Variants in MTX2 observed in about 807,000 individuals in gnomAD.
The protein encoded by MTX2 is metaxin 2, also known as metaxin-2.
In MTX2, 35 loss-of-function variants were observed where a neutral mutation model predicts 42.3. That is an observed-to-expected ratio of 0.83 (90% CI 0.63 to 1.10). The LOEUF is 1.10. Among genes scored for constraint, MTX2 ranks in the 50% least tolerant of loss-of-function variants. The pLI, the probability that MTX2 is intolerant of heterozygous loss-of-function variation, is 0.00. For synonymous variants in MTX2, 119 were observed against 100.9 expected, an observed-to-expected ratio of 1.18 and a Z score of -1.08; for missense variants, 307 against 304.1, an observed-to-expected ratio of 1.01 and a Z score of -0.07.
intron 3 of MTX2, among the ~76,000 whole-genome samples, chr2:176,306,346 A>T (rs1684143975): frequency 6.6e-6 from 1 of 152,160 alleles, no homozygotes; most frequent in African/African-American, 2.4e-5. Context: ...AGTCTTTACT[A>T]TTGTGAATAG....
chr2:176,325,091 C>T (rs996033664), intron 4 of MTX2, among the ~76,000 whole-genome samples: 1 of 151,718 alleles, frequency 6.6e-6, no homozygotes, highest in African/African-American at 2.4e-5. Context: ...AATTTCACTT[C>T]TCTGAGCCTC....
rs150921679 is a variant in MTX2, at chr2:176,305,037, A to G, written c.135+7142A>G. On this transcript the variant is annotated intron_variant, in intron 3 of 9. Transcript: ENST00000249442. ...AGGCAATTCTTTAAAATTTTGAATT[A>G]CTTTTATATTTTTATTGGCAAGCAA... 5.2e-3 allele frequency among the ~76,000 whole-genome samples: 793 copies of G among 152,194 alleles called. 8 individuals are homozygous for G. The highest frequency in any genetic ancestry group is 7.7e-3 in the Non-Finnish European group (525 of 67,934).
Position 176,283,263 on chromosome 2 carries a change from C to G in MTX2, c.40+13594C>G, listed in dbSNP as rs1206573045. Among the ~76,000 whole-genome samples, 7 of 152,252 alleles carry G rather than the reference C, an allele frequency of 4.6e-5. No individual in the cohort carries two copies. In the East Asian group the frequency reaches 5.8e-4, roughly 13 times the overall value. On this transcript the variant is annotated intron_variant, in intron 1 of 9. Transcript: ENST00000249442. ...ATCCCACCTCCCTTTTTGTTCTTCA[C>G]CTGCTCAACAAAATTAGATCCTAGA... is the stretch of plus-strand genomic sequence containing the variant.
chr2:176,269,688 G>C lies in MTX2; in HGVS notation c.40+19G>C. The C allele has an allele frequency of 6.3e-7, 1 of 1,589,006 alleles. No individual in the cohort carries two copies. The highest frequency in any genetic ancestry group is 8.5e-7 in the Non-Finnish European group (1 of 1,171,022). ...ATTGCAGGTAGCGCGGCTGGCCGCA[G>C]ACCCAGAAGGTGGCGGCGCGGTCTC... On this transcript the variant is annotated intron_variant, in intron 1 of 9. Coordinates refer to ENST00000249442, the MANE Select transcript of MTX2 (RefSeq NM_006554.5).
At chr2:176,328,817 C>A (rs1259436669) in intron 6 of MTX2, 57 bp from the exon 7 acceptor site, 10 of 1,540,330 alleles carry the variant, frequency 6.5e-6, no homozygotes, top group Non-Finnish European at 8.0e-6. Context: ...AAATAACTTT[C>A]TTTATCCTTT....
chr2:176,332,561 G>A (rs138298213), intron 9 of MTX2, among the ~76,000 whole-genome samples: 1 of 151,354 alleles, frequency 6.6e-6, no homozygotes, highest in African/African-American at 2.4e-5. Context: ...TACTGGGGAT[G>A]TTGGGAGGAC....
chr2:176,286,543 T>C (rs1693207052), intron 1 of MTX2, among the ~76,000 whole-genome samples: 1 of 151,674 alleles, frequency 6.6e-6, no homozygotes, highest in Non-Finnish European at 1.5e-5. Flanking sequence ...TATTACTCAC[T>C]CTGAGTCTTT....
chr2:176,281,363 G>A lies in MTX2; in HGVS notation c.40+11694G>A, dbSNP rs149149779. On this transcript the variant is annotated intron_variant, in intron 1 of 9. Transcript: ENST00000249442. ...AGCATCTTCACTTGTATCTCTGACA[G>A]TTGATTCTGGCTAGGACTTTGGCTG... Among the ~76,000 whole-genome samples the A allele has an allele frequency of 6.6e-3, 1,001 of 152,294 alleles. 15 individuals carry two copies. The highest frequency in any genetic ancestry group is 0.023 in the African/African-American group (938 of 41,550).
chr2:176,311,240 G>A (rs1191362254), intron 3 of MTX2, among the ~76,000 whole-genome samples: 1 of 151,894 alleles, frequency 6.6e-6, no homozygotes, highest in South Asian at 2.1e-4. Context: ...GCTGCAGAAC[G>A]GCAAATATTA....
rs182679667 is a variant in MTX2, at chr2:176,331,984, G to A, written c.620+1324G>A. Among the ~76,000 whole-genome samples the A allele has an allele frequency of 1.4e-3, 212 of 151,230 alleles. 1 individual carries two copies. Among genetic ancestry groups the A allele is most frequent in the Non-Finnish European group, 2.1e-3 (142 of 67,344 alleles). ...TCATTGTGTTAGTAACCAGAGTTTGGCATGTGACTCAGTGGAAATATCAAG... is the reference window on the plus strand; with the variant it reads ...TCATTGTGTTAGTAACCAGAGTTTGACATGTGACTCAGTGGAAATATCAAG... On this transcript the variant is annotated intron_variant, in intron 9 of 9. Coordinates refer to ENST00000249442, the MANE Select transcript of MTX2 (RefSeq NM_006554.5).
chr2:176,273,167 A>G (rs1039796520), intron 1 of MTX2, among the ~76,000 whole-genome samples: 75 of 152,342 alleles, frequency 4.9e-4, no homozygotes, highest in African/African-American at 1.8e-3. Flanking sequence ...AGATGAATCC[A>G]TTCATGAGGG....
chr2:176,278,997 TAAAG>T (rs1284508771), intron 1 of MTX2, among the ~76,000 whole-genome samples: 12 of 152,324 alleles, frequency 7.9e-5, no homozygotes, highest in Non-Finnish European at 8.8e-5. Context: ...TGGTTGGTAA[TAAAG>T]AAGGTTCTTT....
chr2:176,308,157 CAT>C (rs1242833298), intron 3 of MTX2, among the ~76,000 whole-genome samples: 9 of 152,088 alleles, frequency 5.9e-5, no homozygotes, highest in South Asian at 2.1e-4. Flanking sequence ...TTGAGATAAT[CAT>C]GTGGTTTTTT....
rs57601526 is a variant in MTX2 at position 176,283,861 on chromosome 2, A to T, written c.41-12999A>T. ...GTTTTTGTATCTGTTTTTTGGCCAG[A>T]TGGATTAGACTTTTACTCTTAACCA... On this transcript the variant is annotated intron_variant, in intron 1 of 9. Transcript: ENST00000249442. 4.6e-5 allele frequency among the ~76,000 whole-genome samples: 7 copies of T among 152,188 alleles called. No individual in the cohort carries two copies. The East Asian group carries it at 1.2e-3, about 25-fold the overall frequency.
chr2:176,282,126 G>GTTTTTTTGTTTTTT (rs1693091383), intron 1 of MTX2, among the ~76,000 whole-genome samples: 2 of 26,432 alleles, frequency 7.6e-5, no homozygotes, highest in Non-Finnish European at 1.3e-4. Context: ...AGTTACAGTA[G>GTTTTTTTGTTTTTT]TTTTTTTTTT....
At chr2:176,295,349 G>T (rs1267493912) in intron 1 of MTX2, among the ~76,000 whole-genome samples, 1 of 152,030 alleles carries the variant, frequency 6.6e-6, no homozygotes, top group Non-Finnish European at 1.5e-5. Context: ...ATCCTAAAAG[G>T]TTATTTTTTG....
At chr2:176,314,485 G>A (rs181448325) in intron 3 of MTX2, among the ~76,000 whole-genome samples, 54 of 151,804 alleles carry the variant, frequency 3.6e-4, no homozygotes, top group Middle Eastern at 3.4e-3. Context: ...AAATAATTGG[G>A]TTACTTTTTG....
intron 4 of MTX2, among the ~76,000 whole-genome samples, chr2:176,324,728 C>G (rs569786805): frequency 1.3e-5 from 2 of 151,560 alleles, no homozygotes; most frequent in South Asian, 4.2e-4. Flanking sequence ...AGGTAGATAC[C>G]TATTTTCTTT....
chr2:176,286,696 T>G (rs1693211357), intron 1 of MTX2, among the ~76,000 whole-genome samples: 1 of 152,020 alleles, frequency 6.6e-6, no homozygotes, highest in South Asian at 2.1e-4. Flanking sequence ...ATTACAGGTA[T>G]GCACCACCAT....
Sources: allele counts gnomAD v4.1 joint callset (sites outside exome capture counted in the v4.1 genomes callset), GRCh38; gene constraint gnomAD v4.1.1; transcripts MANE v1.5; gene names NCBI Gene and HGNC (gene_info 2026-07-23, HGNC 2026-07-21).